The following TMEM144 variants were observed in gnomAD, a reference collection of about 807,000 sequenced individuals.
TMEM144 encodes the protein transmembrane protein 144.
A neutral mutation model predicts 43.6 loss-of-function variants in TMEM144; 39 were observed. The ratio of observed to expected loss-of-function variants is 0.90; its 90% CI spans 0.69 to 1.17. The LOEUF (loss-of-function observed/expected upper bound fraction) is 1.17, where lower values mean the gene tolerates loss of function less well. Ranked by LOEUF, TMEM144 falls within the 50% of genes most tolerant of loss-of-function variation. The pLI, the probability that TMEM144 is intolerant of heterozygous loss-of-function variation, is 0.00. For missense variants in TMEM144, 417 were observed against 411.9 expected (o/e 1.01, Z -0.11); for synonymous variants, 154 against 133.6 (o/e 1.15, Z -1.06).
chr4:158,227,675 C>A (rs1264148227), intron 6 of TMEM144, among the ~76,000 whole-genome samples: 1 of 152,084 alleles, frequency 6.6e-6, no homozygotes, highest in East Asian at 1.9e-4. Context: ...AACCAGCTCT[C>A]CAAGCGTATA....
At chr4:158,215,004 T>G (rs182857698) in intron 3 of TMEM144, among the ~76,000 whole-genome samples, 187 bp from the exon 4 acceptor site, 147 of 152,314 alleles carry the variant, frequency 9.7e-4, no homozygotes, top group Non-Finnish European at 1.6e-3. Context: ...GAAGATTCAT[T>G]TTCTCTATCT....
intron 6 of TMEM144, among the ~76,000 whole-genome samples, chr4:158,226,615 T>G (rs1008884619): frequency 2.0e-5 from 3 of 152,174 alleles, no homozygotes; most frequent in Non-Finnish European, 4.4e-5. Context: ...TTATACACCT[T>G]GCACATAAAC....
At chr4:158,247,047 A>T (rs1010305289) in intron 12 of TMEM144, among the ~76,000 whole-genome samples, 1 of 151,944 alleles carries the variant, frequency 6.6e-6, no homozygotes, top group African/African-American at 2.4e-5. Context: ...CTGAATAGAA[A>T]AGTAACTTTT....
intron 8 of TMEM144, 43 bp downstream of exon 8, chr4:158,235,548 T>C (rs1197272151): frequency 6.4e-7 from 1 of 1,562,174 alleles, no homozygotes; most frequent in Non-Finnish European, 8.7e-7. Flanking sequence ...CTGTTTCATA[T>C]TTGGTTAAAG....
chr4:158,212,440 G>A (rs925755337), intron 2 of TMEM144, among the ~76,000 whole-genome samples, 168 bp from the exon 3 acceptor site: 1 of 152,158 alleles, frequency 6.6e-6, no homozygotes, highest in Admixed American at 6.5e-5. Context: ...AATATTTGGT[G>A]ATAGAATAAA....
At chr4:158,212,314 G>A (rs776279656) in intron 2 of TMEM144, 13 of 165,154 alleles carry the variant, frequency 7.9e-5, no homozygotes, top group South Asian at 3.9e-4. Flanking sequence ...GCTTAGCAGC[G>A]TTATCCGCTA....
rs1345356526 is a variant in TMEM144, at chr4:158,235,483, T to C, written c.541T>C (p.Ser181Pro). Residue 181 changes from serine (S) to proline (P), a missense_variant, in exon 8 of 13, where the codon TCT (serine) becomes CCT (proline). Physicochemically the swap from Ser to Pro is moderately conservative, Grantham distance 74 (BLOSUM62 -1). Coordinates refer to ENST00000296529, the MANE Select transcript of TMEM144 (RefSeq NM_018342.5). ...QDPCSWVDKLSTVHHRIVGCS... is the reference protein window; with the variant it reads ...QDPCSWVDKLPTVHHRIVGCS... ...CCCCTGTTCCTGGGTGGATAAACTT[T>C]CTACAGTACACCACCGCATAGTGTA... 14 of 1,613,988 alleles carry C rather than the reference T, an allele frequency of 8.7e-6. No individual in the cohort carries two copies. Among genetic ancestry groups the C allele is most frequent in the Middle Eastern group, 1.7e-4 (1 of 6,060 alleles).
rs1486066990 is a variant in TMEM144, at chr4:158,215,296, G to C, written c.215G>C (p.Gly72Ala). ...PKFWPFAMLG[G>A]CIWATGNIAV... Reference sequence around the variant, plus strand: ...TTTTGGCCTTTTGCAATGCTTGGGGGCTGCATTTGGGCAACAGGTAATGTC... The same window carrying C: ...TTTTGGCCTTTTGCAATGCTTGGGGCCTGCATTTGGGCAACAGGTAATGTC... Residue 72 changes from glycine (G) to alanine (A), a missense_variant, in exon 4 of 13, where the codon GGC (glycine) becomes GCC (alanine). Coordinates refer to ENST00000296529, the MANE Select transcript of TMEM144 (RefSeq NM_018342.5). 8 of 1,613,624 alleles carry C rather than the reference G, an allele frequency of 5.0e-6. No homozygotes were observed. The highest frequency in any genetic ancestry group is 6.8e-6 in the Non-Finnish European group (8 of 1,179,720).
intron 6 of TMEM144, among the ~76,000 whole-genome samples, chr4:158,226,598 A>G (rs1194672757): frequency 6.6e-6 from 1 of 151,908 alleles, no homozygotes; most frequent in Non-Finnish European, 1.5e-5. Flanking sequence ...AGTATATTTT[A>G]TTTTCTTTAT....
At chr4:158,246,385 G>T (rs1735893108) in intron 12 of TMEM144, among the ~76,000 whole-genome samples, 1 of 152,006 alleles carries the variant, frequency 6.6e-6, no homozygotes, top group Admixed American at 6.6e-5. Context: ...ACTTCTACCT[G>T]ATCTTTAAAA....
In TMEM144 at chr4:158,254,435, G is replaced by GTTTTTTTTTTTTTTTT. The variant is rs5863316; in HGVS notation, c.*917_*932dup. 1 of 120,756 alleles carries GTTTTTTTTTTTTTTTT rather than the reference G, an allele frequency of 8.3e-6. No homozygotes were observed. Among genetic ancestry groups the GTTTTTTTTTTTTTTTT allele is most frequent in the Non-Finnish European group, 1.7e-5 (1 of 58,208 alleles). 7.5% of individuals were successfully genotyped at this position (120,756 alleles called of 1,614,324 possible). ...GCAAAATAAAATGACAGGCATGCTAGTTTTTTTTTTTTTTTTTTTTTTTTA... is the reference window on the plus strand; with the variant it reads ...GCAAAATAAAATGACAGGCATGCTAGTTTTTTTTTTTTTTTTTTTTTTTTTTTTTTTTTTTTTTTTA... On this transcript the variant is annotated 3_prime_UTR_variant, in exon 13 of 13. Transcript: ENST00000296529.
At chr4:158,212,143 T>C (rs1350755521) in intron 2 of TMEM144, 1 of 152,250 alleles carries the variant, frequency 6.6e-6, no homozygotes, top group Non-Finnish European at 1.5e-5. Flanking sequence ...TGTGATAAAA[T>C]TACTTTGGTG....
rs906484426 is a variant in TMEM144 at position 158,254,568 on chromosome 4, T to C, written c.*1041T>C. On this transcript the variant is annotated 3_prime_UTR_variant, in exon 13 of 13. Transcript: ENST00000296529. ...GCCCAAGAGTGCAAATCTGCCAGCC[T>C]AGGCAACATAGCAAGGTCCCATCTC... 6.6e-6 allele frequency: 1 copy of C among 151,704 alleles called. No homozygotes were observed. Among genetic ancestry groups the C allele is most frequent in the Non-Finnish European group, 1.5e-5 (1 of 67,976 alleles). The allele number at this position is 151,704 out of a possible 1,614,324, so 9.4% of individuals were successfully genotyped here. A position where few individuals can be genotyped will look rare whatever the true frequency, so the allele number is the denominator to read the frequency against.
At chr4:158,213,782 T>G (rs536298393) in intron 3 of TMEM144, 2 of 152,256 alleles carry the variant, frequency 1.3e-5, no homozygotes, top group Non-Finnish European at 2.9e-5. Flanking sequence ...TTCGTGCACT[T>G]AGAAAATAGG....
In TMEM144 at chr4:158,238,518, C is replaced by CT. The variant is rs1393009768; in HGVS notation, c.682+881dup. ...CTTTTGTTAAAATTTTATACAAATA[C>CT]TTTTTTGCATTTTTACAAAAAGATA... is the stretch of plus-strand genomic sequence containing the variant. On this transcript the variant is annotated intron_variant, in intron 9 of 12. Transcript: ENST00000296529. 4.6e-5 allele frequency among the ~76,000 whole-genome samples: 7 copies of CT among 152,206 alleles called. No individual in the cohort carries two copies. In the South Asian group the frequency reaches 6.2e-4, roughly 14 times the overall value.
chr4:158,232,521 T>C (rs555712679), intron 6 of TMEM144, among the ~76,000 whole-genome samples: 1 of 152,360 alleles, frequency 6.6e-6, no homozygotes, highest in African/African-American at 2.4e-5. Flanking sequence ...TATCTGAGAG[T>C]ATCTGTCCCC....
chr4:158,232,718 A>G (rs577860846), intron 6 of TMEM144, among the ~76,000 whole-genome samples, 183 bp from the exon 7 acceptor site: 48 of 152,368 alleles, frequency 3.2e-4, no homozygotes, highest in Non-Finnish European at 5.6e-4. Flanking sequence ...AAGGAAAATG[A>G]GAAACATCTA....
At chr4:158,235,282 C>A in intron 7 of TMEM144, 156 bp from the exon 8 acceptor site, 3 of 641,154 alleles carry the variant, frequency 4.7e-6, no homozygotes, top group Non-Finnish European at 7.3e-6. Context: ...CAATTAGAAA[C>A]AGTTGAGTTT....
chr4:158,237,702 A>G (rs1735426866), intron 9 of TMEM144, 59 bp downstream of exon 9: 1 of 1,168,520 alleles, frequency 8.6e-7, no homozygotes, highest in African/African-American at 1.5e-5. Flanking sequence ...TATAAAAAGA[A>G]TTGTGATAAT....
Sources: gnomAD v4.1 joint callset for allele counts (sites outside exome capture counted in the v4.1 genomes callset) on GRCh38, gnomAD v4.1.1 for gene constraint, MANE v1.5 for transcripts, NCBI Gene and HGNC (gene_info 2026-07-23, HGNC 2026-07-21) for gene names.